The following SPMIP2 variants were observed in gnomAD, a reference collection of about 807,000 sequenced individuals.
The protein encoded by SPMIP2 is sperm microtubule inner protein 2.
chr4:158,964,414 C>A, the SPMIP2 span, among the ~76,000 whole-genome samples: 1 of 152,154 alleles, frequency 6.6e-6, no homozygotes, highest in Non-Finnish European at 1.5e-5. Context: ...GAGTGGAGAG[C>A]CCAGTCATGC....
chr4:159,004,490 C>A, the SPMIP2 span, among the ~76,000 whole-genome samples: 3 of 152,086 alleles, frequency 2.0e-5, no homozygotes, highest in African/African-American at 7.2e-5. Flanking sequence ...GGGGTTTTGC[C>A]ATGTTGGCCA....
chr4:159,076,633 C>A, the SPMIP2 span, among the ~76,000 whole-genome samples: 3 of 152,160 alleles, frequency 2.0e-5, no homozygotes, highest in East Asian at 5.8e-4. Flanking sequence ...GTAATAAATA[C>A]TTTAAAACAT....
At chr4:159,025,049 A>G in the SPMIP2 span, among the ~76,000 whole-genome samples, 43 of 152,350 alleles carry the variant, frequency 2.8e-4, 1 homozygote, top group South Asian at 8.5e-3. Flanking sequence ...AAGGGTAAGT[A>G]TCTTGTCCAA....
the SPMIP2 span, among the ~76,000 whole-genome samples, chr4:158,927,383 T>C: frequency 2.0e-5 from 3 of 152,244 alleles, no homozygotes; most frequent in Non-Finnish European, 4.4e-5. Flanking sequence ...GTATATCTCT[T>C]ATACACAACG....
At chr4:159,017,202 T>G in the SPMIP2 span, among the ~76,000 whole-genome samples, 4 of 152,184 alleles carry the variant, frequency 2.6e-5, no homozygotes, top group African/African-American at 9.7e-5. Flanking sequence ...TGTACAATGA[T>G]AGGTTCCTTC....
chr4:158,930,129 T>A, the SPMIP2 span, among the ~76,000 whole-genome samples: 2 of 152,170 alleles, frequency 1.3e-5, no homozygotes, highest in East Asian at 3.9e-4. Flanking sequence ...TATGTCATCC[T>A]CCTGCCTTCT....
chr4:158,960,298 T>C, the SPMIP2 span: 1 of 1,555,696 alleles, frequency 6.4e-7, no homozygotes, highest in Non-Finnish European at 8.8e-7. Flanking sequence ...TGGGTTTTGA[T>C]ATCTGTGGGT....
chr4:158,984,818 C>G, the SPMIP2 span, among the ~76,000 whole-genome samples: 2 of 151,310 alleles, frequency 1.3e-5, no homozygotes, highest in Admixed American at 6.6e-5. Context: ...CACAAAAAAC[C>G]CTTCAAAAAA....
the SPMIP2 span, among the ~76,000 whole-genome samples, chr4:158,912,257 A>T: frequency 4.6e-5 from 7 of 152,340 alleles, no homozygotes; most frequent in East Asian, 7.7e-4. Flanking sequence ...TATAAGAATG[A>T]TACATACTGT....
At chr4:158,920,596 A>G in the SPMIP2 span, among the ~76,000 whole-genome samples, 1 of 152,214 alleles carries the variant, frequency 6.6e-6, no homozygotes, top group Non-Finnish European at 1.5e-5. Context: ...TCAGCTTACT[A>G]GGATGGGGAA....
the SPMIP2 span, among the ~76,000 whole-genome samples, chr4:159,005,242 T>C: frequency 3.2e-4 from 18 of 55,658 alleles, 1 homozygote; most frequent in East Asian, 4.7e-3. Context: ...AAAAAAAAAA[T>C]CAACCAGCCT....
chr4:159,039,898 C>T, the SPMIP2 span, among the ~76,000 whole-genome samples: 3 of 151,962 alleles, frequency 2.0e-5, no homozygotes, highest in East Asian at 1.9e-4. Context: ...TTAACATTTG[C>T]GAAAGAATCA....
chr4:158,974,001 A>AAG, the SPMIP2 span, among the ~76,000 whole-genome samples: 1 of 151,418 alleles, frequency 6.6e-6, no homozygotes, highest in Non-Finnish European at 1.5e-5. Flanking sequence ...AAAAAAAAAA[A>AAG]AAAAAGACAT....
the SPMIP2 span, among the ~76,000 whole-genome samples, chr4:159,049,825 T>C: frequency 4.2e-4 from 64 of 152,252 alleles, no homozygotes; most frequent in African/African-American, 1.3e-3. Flanking sequence ...GTCTGGAAAA[T>C]AGGGTTTGAC....
the SPMIP2 span, among the ~76,000 whole-genome samples, chr4:159,018,122 C>A: frequency 6.6e-6 from 1 of 152,124 alleles, no homozygotes; most frequent in African/African-American, 2.4e-5. Flanking sequence ...CAACATGGGG[C>A]TAAACATCAC....
the SPMIP2 span, among the ~76,000 whole-genome samples, chr4:158,909,096 G>A: frequency 3.3e-5 from 5 of 152,012 alleles, no homozygotes; most frequent in East Asian, 9.7e-4. Flanking sequence ...GCATTATATT[G>A]GTATGATATA....
At chr4:158,958,708 G>A in the SPMIP2 span, among the ~76,000 whole-genome samples, 2 of 152,096 alleles carry the variant, frequency 1.3e-5, no homozygotes, top group South Asian at 4.1e-4. Context: ...AAAGGGGTGG[G>A]GCACACCTGA....
the SPMIP2 span, among the ~76,000 whole-genome samples, chr4:158,936,481 A>G: frequency 6.6e-6 from 1 of 152,272 alleles, no homozygotes; most frequent in Non-Finnish European, 1.5e-5. Context: ...TTCCTCAACA[A>G]GCTGGTTTCC....
At chr4:158,964,167 CAAAACAAAACA>C in the SPMIP2 span, among the ~76,000 whole-genome samples, 1 of 52,176 alleles carries the variant, frequency 1.9e-5, no homozygotes, top group African/African-American at 4.5e-5. Flanking sequence ...CAAAACAAAA[CAAAACAAAACA>C]AAACAAAACA....
Sources: allele counts gnomAD v4.1 joint callset (sites outside exome capture counted in the v4.1 genomes callset), GRCh38; gene constraint gnomAD v4.1.1; transcripts MANE v1.5; gene names NCBI Gene and HGNC (gene_info 2026-07-23, HGNC 2026-07-21).